The following HACE1 variants were observed in gnomAD, a reference collection of about 807,000 sequenced individuals.
HACE1 encodes the protein E3 ubiquitin-protein ligase HACE1.
A neutral mutation model predicts 118.4 loss-of-function variants in HACE1; 73 were observed. The observed-to-expected ratio is 0.62, with a 90% CI of 0.51 to 0.75. The LOEUF is 0.75. Ranked by LOEUF, HACE1 falls within the 30% of genes least tolerant of loss-of-function variation. The probability of loss-of-function intolerance (pLI) is 0.00; values close to 1 mark genes in which losing one functional copy is unlikely to be tolerated. For synonymous variants in HACE1, 368 were observed against 374.8 expected (o/e 0.98, Z 0.21); for missense variants, 749 against 1,102.2 (o/e 0.68, Z 4.54).
At chr6:104,755,030 C>T (rs1442222589) in intron 19 of HACE1, among the ~76,000 whole-genome samples, 1 of 152,072 alleles carries the variant, frequency 6.6e-6, no homozygotes, top group Non-Finnish European at 1.5e-5. Flanking sequence ...AGTATGCTGT[C>T]CTCAAGAGAC....
intron 19 of HACE1, among the ~76,000 whole-genome samples, chr6:104,767,424 C>T (rs1780130441): frequency 1.3e-5 from 2 of 152,118 alleles, no homozygotes; most frequent in Admixed American, 1.3e-4. Flanking sequence ...TTCATGCATG[C>T]TTCCCCAAAC....
rs1367257936 is a variant in HACE1 at position 104,851,108 on chromosome 6, A to T, written c.132-112T>A. The T allele has an allele frequency of 4.2e-6, 3 of 719,990 alleles. No homozygotes were observed. The South Asian group carries it at 4.3e-5, about 10-fold the overall frequency. 44.6% of individuals were successfully genotyped at this position (719,990 alleles called of 1,614,324 possible). A position where few individuals can be genotyped will look rare whatever the true frequency, so the allele number is the denominator to read the frequency against. On this transcript the variant is annotated intron_variant, in intron 2 of 23. Coordinates refer to ENST00000262903, the MANE Select transcript of HACE1 (RefSeq NM_020771.4). Reference sequence around the variant, plus strand: ...GTTTGTTTGTTTGTTTGTTGAGACAAGAGTCTTGCTCTGTCACCAGGCTGG... The same window carrying T: ...GTTTGTTTGTTTGTTTGTTGAGACATGAGTCTTGCTCTGTCACCAGGCTGG...
Position 104,849,211 on chromosome 6 carries a change from T to C in HACE1, c.257A>G (p.Lys86Arg). 6.2e-7 allele frequency: 1 copy of C among 1,610,536 alleles called. No homozygotes were observed. Among genetic ancestry groups the C allele is most frequent in the Non-Finnish European group, 8.5e-7 (1 of 1,176,718 alleles). ...TTGATAGTTAGGATTTGCTCCTTTC[T>C]TTAACAGCAAAACCAAGCATTCCAC... ...GSVECLVLLLKKGANPNYQDI... is the reference protein window; with the variant it reads ...GSVECLVLLLRKGANPNYQDI... The change falls in exon 4 of 24, where the codon AAG (lysine) becomes AGG (arginine). Residue 86 changes from lysine (K) to arginine (R), a missense_variant. This residue lies in a region of HACE1 where 120 missense variants were observed against 219.1 expected (regional missense o/e 0.55). Coordinates refer to ENST00000262903, the MANE Select transcript of HACE1 (RefSeq NM_020771.4).
chr6:104,826,824 T>G (rs1009494830), intron 6 of HACE1, among the ~76,000 whole-genome samples: 3 of 152,176 alleles, frequency 2.0e-5, no homozygotes, highest in African/African-American at 7.2e-5. Context: ...GCAAATTCCC[T>G]GCCCAATTCC....
At chr6:104,773,921 C>G (rs1780900755) in intron 17 of HACE1, among the ~76,000 whole-genome samples, 1 of 151,834 alleles carries the variant, frequency 6.6e-6, no homozygotes, top group African/African-American at 2.4e-5. Context: ...TATTTTCATG[C>G]TCTCAGAAAA....
intron 11 of HACE1, 36 bp downstream of exon 11, chr6:104,791,468 G>T: frequency 6.4e-7 from 1 of 1,558,408 alleles, no homozygotes; most frequent in Non-Finnish European, 8.9e-7. Context: ...TCTCTTTTAC[G>T]TCTATCTTCC....
At chr6:104,763,933 C>A (rs1779683033) in intron 19 of HACE1, among the ~76,000 whole-genome samples, 1 of 152,022 alleles carries the variant, frequency 6.6e-6, no homozygotes, top group Non-Finnish European at 1.5e-5. Flanking sequence ...GCCTGTAATC[C>A]TAACTACTTG....
chr6:104,807,352 T>C (rs986486250), intron 7 of HACE1, among the ~76,000 whole-genome samples: 3 of 152,162 alleles, frequency 2.0e-5, no homozygotes, highest in Non-Finnish European at 4.4e-5. Context: ...ATGGCTACTT[T>C]GATTTTGAAT....
At chr6:104,764,449 G>A (rs1266427802) in intron 19 of HACE1, among the ~76,000 whole-genome samples, 1 of 152,196 alleles carries the variant, frequency 6.6e-6, no homozygotes, top group Admixed American at 6.5e-5. Context: ...CTAGGAATGA[G>A]GAGTCATTCT....
chr6:104,786,067 G>A (rs1357270733), intron 11 of HACE1: 1 of 152,056 alleles, frequency 6.6e-6, no homozygotes, highest in Non-Finnish European at 1.5e-5. Context: ...GGAGATGGTG[G>A]CTCACGCCTG....
At chr6:104,761,085 G>C (rs149851628) in intron 19 of HACE1, among the ~76,000 whole-genome samples, 1 of 152,180 alleles carries the variant, frequency 6.6e-6, no homozygotes, top group African/African-American at 2.4e-5. Context: ...CATGCTTATG[G>C]ATAGGAAGAA....
chr6:104,737,223 C>T (rs546998037), intron 22 of HACE1, among the ~76,000 whole-genome samples: 66 of 124,804 alleles, frequency 5.3e-4, no homozygotes, highest in African/African-American at 1.6e-3. Flanking sequence ...ACCCAGGGGG[C>T]GGAGGTTGCA....
At chr6:104,780,907 T>C (rs1781667167) in intron 14 of HACE1, among the ~76,000 whole-genome samples, 2 of 152,320 alleles carry the variant, frequency 1.3e-5, no homozygotes, top group Non-Finnish European at 1.5e-5. Flanking sequence ...TCTTTAAAAC[T>C]GACTGCAGGT....
intron 22 of HACE1, among the ~76,000 whole-genome samples, chr6:104,733,551 A>G (rs886271315): frequency 1.3e-5 from 2 of 152,270 alleles, no homozygotes; most frequent in African/African-American, 2.4e-5. Flanking sequence ...GCATATTTCT[A>G]TTTTATTTAA....
chr6:104,760,349 A>T (rs538128639), intron 19 of HACE1, among the ~76,000 whole-genome samples: 43 of 152,310 alleles, frequency 2.8e-4, no homozygotes, highest in African/African-American at 9.9e-4. Flanking sequence ...CTTATCCACC[A>T]CGATCAAGTC....
At chr6:104,844,599 C>A (rs535428498) in intron 4 of HACE1, among the ~76,000 whole-genome samples, 3 of 152,076 alleles carry the variant, frequency 2.0e-5, no homozygotes, top group East Asian at 1.9e-4. Context: ...CCCCCACCCC[C>A]CCAAGCCTCC....
rs780842070 is a variant in HACE1 at position 104,729,641 on chromosome 6, AGAG to A, written c.*18_*20del. 1.1e-5 allele frequency: 12 copies of A among 1,090,172 alleles called. No homozygotes were observed. The highest frequency in any genetic ancestry group is 1.4e-5 in the Non-Finnish European group (10 of 701,540). 67.5% of individuals were successfully genotyped at this position (1,090,172 alleles called of 1,614,324 possible). Reference sequence around the variant, plus strand: ...CATTCTGAATTGTGCATCAGTAGTCAGAGGAGTTTTCCAGACTTCATTATGCCA... The same window carrying A: ...CATTCTGAATTGTGCATCAGTAGTCAGAGTTTTCCAGACTTCATTATGCCA... On this transcript the variant is annotated 3_prime_UTR_variant, in exon 24 of 24. Transcript: ENST00000262903.
chr6:104,755,400 G>C (rs989379216), intron 19 of HACE1, among the ~76,000 whole-genome samples: 3 of 152,016 alleles, frequency 2.0e-5, no homozygotes, highest in African/African-American at 7.2e-5. Context: ...AGATATTCTG[G>C]ACCTGAACTC....
intron 10 of HACE1, among the ~76,000 whole-genome samples, chr6:104,794,218 T>G (rs941173670): frequency 6.6e-6 from 1 of 152,242 alleles, no homozygotes; most frequent in Non-Finnish European, 1.5e-5. Context: ...GCTCCTTAGC[T>G]TGGTACCTGC....
Sources: gnomAD v4.1 joint callset for allele counts (sites outside exome capture counted in the v4.1 genomes callset) on GRCh38, gnomAD v4.1.1 for gene constraint, gnomAD v4.1.1 regional missense constraint, MANE v1.5 for transcripts, NCBI Gene and HGNC (gene_info 2026-07-23, HGNC 2026-07-21) for gene names.